SMOC2: variants seen among roughly 807,000 people sequenced by gnomAD.
The protein encoded by SMOC2 is SPARC related modular calcium binding 2.
In SMOC2, 39 loss-of-function variants were observed where a neutral mutation model predicts 61.4. That is an observed-to-expected ratio of 0.64 (90% CI 0.49 to 0.83). The LOEUF (loss-of-function observed/expected upper bound fraction) is 0.83. Among genes scored for constraint, SMOC2 ranks in the 40% least tolerant of loss-of-function variants. SMOC2 has a pLI of 0.00. For missense variants in SMOC2, 556 were observed against 592.9 expected (o/e 0.94, Z 0.65); for synonymous variants, 247 against 239.9 (o/e 1.03, Z -0.27).
At chr6:168,484,594 T>C (rs1782287238) in intron 1 of SMOC2, among the ~76,000 whole-genome samples, 1 of 152,228 alleles carries the variant, frequency 6.6e-6, no homozygotes, top group Non-Finnish European at 1.5e-5. Context: ...CTTCTGATTA[T>C]GTACCCAATA....
chr6:168,604,038 C>T (rs947163974), intron 8 of SMOC2, among the ~76,000 whole-genome samples: 3 of 152,252 alleles, frequency 2.0e-5, no homozygotes, highest in Admixed American at 2.0e-4. Context: ...CAGGCTCAGC[C>T]TCCATTGAGG....
rs376497065 is a variant in SMOC2, at chr6:168,636,974, TG to T, written c.908-13706del. Among the ~76,000 whole-genome samples the T allele has an allele frequency of 4.1e-3, 507 of 125,106 alleles. 3 individuals carry two copies. Among genetic ancestry groups the T allele is most frequent in the African/African-American group, 0.015 (472 of 31,690 alleles). 82.1% of individuals were successfully genotyped at this position (125,106 alleles called of 152,430 possible). On this transcript the variant is annotated intron_variant, in intron 9 of 12. Transcript: ENST00000356284. Reference sequence around the variant, plus strand: ...CTCCTCTTTCCTCCCTCCTCCCTCCTGCTTTCCTCCCTCCTCCCGCCTCCCT... The same window carrying T: ...CTCCTCTTTCCTCCCTCCTCCCTCCTCTTTCCTCCCTCCTCCCGCCTCCCT...
intron 2 of SMOC2, among the ~76,000 whole-genome samples, chr6:168,512,996 A>G (rs970587403): frequency 2.0e-5 from 3 of 152,264 alleles, no homozygotes; most frequent in African/African-American, 7.2e-5. Context: ...GTTATTTAAA[A>G]CACAGATGTG....
At chr6:168,664,618 C>A in intron 12 of SMOC2, 1 of 425,760 alleles carries the variant, frequency 2.3e-6, no homozygotes, top group South Asian at 1.8e-5. Context: ...TGCATTTCTG[C>A]TTCTTTTGGG....
At chr6:168,518,316 CT>C (rs1783197258) in intron 2 of SMOC2, among the ~76,000 whole-genome samples, 1 of 151,920 alleles carries the variant, frequency 6.6e-6, no homozygotes, top group Admixed American at 6.6e-5. Flanking sequence ...GAGGGCGTTT[CT>C]GTTGCATGTG....
chr6:168,506,193 C>T (rs1782868602), intron 1 of SMOC2, among the ~76,000 whole-genome samples: 2 of 152,018 alleles, frequency 1.3e-5, no homozygotes, highest in Admixed American at 1.3e-4. Flanking sequence ...ACCCCCATAC[C>T]TGGCTAATTT....
chr6:168,620,810 T>C (rs1786223211), intron 9 of SMOC2, among the ~76,000 whole-genome samples: 1 of 152,168 alleles, frequency 6.6e-6, no homozygotes, highest in Admixed American at 6.5e-5. Flanking sequence ...GGTTATTACT[T>C]CTAGAATAAA....
intron 4 of SMOC2, among the ~76,000 whole-genome samples, chr6:168,540,711 G>C (rs182576423): frequency 1.3e-5 from 2 of 152,308 alleles, no homozygotes; most frequent in East Asian, 3.9e-4. Flanking sequence ...AAGCCCAATA[G>C]CACAGAGACG....
At chr6:168,582,562 A>G (rs996561092) in intron 7 of SMOC2, among the ~76,000 whole-genome samples, 1 of 152,106 alleles carries the variant, frequency 6.6e-6, no homozygotes, top group Non-Finnish European at 1.5e-5. Flanking sequence ...GTAAGCAGGA[A>G]ACCAGACAGC....
At chr6:168,608,749 A>T (rs1336261576) in intron 9 of SMOC2, among the ~76,000 whole-genome samples, 2 of 152,232 alleles carry the variant, frequency 1.3e-5, no homozygotes. Context: ...AATAATTGAA[A>T]AATGCAGTCA....
intron 4 of SMOC2, among the ~76,000 whole-genome samples, chr6:168,538,616 C>G (rs118077679): frequency 0.041 from 2,027 of 49,196 alleles, 134 homozygotes; most frequent in East Asian, 0.23. Context: ...CTGCTGGAAT[C>G]TGGGGGAGTG....
chr6:168,495,218 A>T (rs1782556983), intron 1 of SMOC2, among the ~76,000 whole-genome samples: 1 of 152,072 alleles, frequency 6.6e-6, no homozygotes, highest in Non-Finnish European at 1.5e-5. Flanking sequence ...CAAAGGAGGG[A>T]CCTCCGGCCA....
chr6:168,610,358 T>G (rs961911104), intron 9 of SMOC2, among the ~76,000 whole-genome samples: 6 of 152,246 alleles, frequency 3.9e-5, no homozygotes, highest in African/African-American at 1.4e-4. Context: ...GGGAGTGCAC[T>G]GTTCATGACC....
At chr6:168,562,414 TCATAC>T (rs199976927) in intron 7 of SMOC2, among the ~76,000 whole-genome samples, 1 of 128,652 alleles carries the variant, frequency 7.8e-6, no homozygotes, top group African/African-American at 2.8e-5. Context: ...GGTGTCATTT[TCATAC>T]CCTGAGACAC....
intron 8 of SMOC2, among the ~76,000 whole-genome samples, chr6:168,605,307 T>C (rs1292192880): frequency 1.3e-5 from 2 of 152,030 alleles, no homozygotes; most frequent in Non-Finnish European, 2.9e-5. Flanking sequence ...TTCAGTGGGG[T>C]GTGCAGGGGA....
In SMOC2 at chr6:168,615,832, T is replaced by C. The variant is rs1415903477; in HGVS notation, c.907+7593T>C. Among the ~76,000 whole-genome samples, 3 of 152,254 alleles carry C rather than the reference T, an allele frequency of 2.0e-5. No homozygotes were observed. In the East Asian group the frequency reaches 5.8e-4, roughly 29 times the overall value. ...TGGCATAATTATCGTCTTTGACTCA[T>C]GTAGAAACCTTAGAGGCAACACCTG... On this transcript the variant is annotated intron_variant, in intron 9 of 12. Coordinates refer to ENST00000356284, the MANE Select transcript of SMOC2 (RefSeq NM_001166412.2).
At chr6:168,526,005 G>A (rs937297225) in intron 2 of SMOC2, among the ~76,000 whole-genome samples, 1 of 152,204 alleles carries the variant, frequency 6.6e-6, no homozygotes, top group East Asian at 1.9e-4. Context: ...GGCAGCTGGC[G>A]TTTCCCCATT....
At position 168,512,262 on chromosome 6, in the gene SMOC2, T is replaced by G. The variant is rs142226043; in HGVS notation, c.256+2176T>G. On this transcript the variant is annotated intron_variant, in intron 2 of 12. Coordinates refer to ENST00000356284, the MANE Select transcript of SMOC2 (RefSeq NM_001166412.2). ...CAGGAAGTCGTGGGCAGAACAGGGATGGATGCAAATTGCTGTTCTGCACGG... is the reference window on the plus strand; with the variant it reads ...CAGGAAGTCGTGGGCAGAACAGGGAGGGATGCAAATTGCTGTTCTGCACGG... Among the ~76,000 whole-genome samples, 757 of 152,140 alleles carry G rather than the reference T, an allele frequency of 5.0e-3. 7 individuals are homozygous for G. The highest frequency in any genetic ancestry group is 0.017 in the African/African-American group (710 of 41,520).
At chr6:168,540,383 G>A (rs1783851393) in intron 4 of SMOC2, among the ~76,000 whole-genome samples, 1 of 152,240 alleles carries the variant, frequency 6.6e-6, no homozygotes, top group Non-Finnish European at 1.5e-5. Context: ...ACGTGGAGAG[G>A]CAGCTTCCGA....
Sources: allele counts gnomAD v4.1 joint callset (sites outside exome capture counted in the v4.1 genomes callset), GRCh38; gene constraint gnomAD v4.1.1; transcripts MANE v1.5; gene names NCBI Gene and HGNC (gene_info 2026-07-23, HGNC 2026-07-21).